KIAA1958: variants seen among roughly 807,000 people sequenced by gnomAD.
The protein encoded by KIAA1958 is KIAA1958.
KIAA1958 carries 14 observed loss-of-function variants against 47.2 expected under a neutral mutation model. That is an observed-to-expected ratio of 0.30 (90% CI 0.20 to 0.46). The LOEUF is 0.46. Ranked by LOEUF, KIAA1958 falls within the 20% of genes least tolerant of loss-of-function variation. The probability of loss-of-function intolerance (pLI) is 1.00; values close to 1 mark genes in which losing one functional copy is unlikely to be tolerated. For synonymous variants in KIAA1958, 354 were observed against 353.3 expected, an observed-to-expected ratio of 1.00 and a Z score of -0.02; for missense variants, 803 against 909.2, an observed-to-expected ratio of 0.88 and a Z score of 1.50.
intron 2 of KIAA1958, among the ~76,000 whole-genome samples, chr9:112,614,320 C>T (rs1219180066): frequency 1.3e-5 from 2 of 152,044 alleles, no homozygotes; most frequent in African/African-American, 4.8e-5. Context: ...TATTCTTTTT[C>T]TTAATCTGGG....
intron 2 of KIAA1958, among the ~76,000 whole-genome samples, chr9:112,604,293 C>T (rs916408091): frequency 6.6e-6 from 1 of 152,140 alleles, no homozygotes; most frequent in Non-Finnish European, 1.5e-5. Context: ...CTCAGGCTAT[C>T]CTGAGCCAGT....
chr9:112,576,902 T>C (rs994649557), intron 2 of KIAA1958, among the ~76,000 whole-genome samples: 3 of 152,166 alleles, frequency 2.0e-5, no homozygotes, highest in African/African-American at 7.2e-5. Context: ...TGTATTTAAC[T>C]TTTTGAGGAG....
chr9:112,601,389 G>A (rs992866436), intron 2 of KIAA1958, among the ~76,000 whole-genome samples: 2 of 152,156 alleles, frequency 1.3e-5, no homozygotes, highest in African/African-American at 4.8e-5. Context: ...CAGCAGTGTG[G>A]CAGGAGTTGG....
At chr9:112,611,325 GCTTGGATTATATA>G (rs2131209949) in intron 2 of KIAA1958, among the ~76,000 whole-genome samples, 1 of 152,176 alleles carries the variant, frequency 6.6e-6, no homozygotes, top group African/African-American at 2.4e-5. Flanking sequence ...TACTTGGAAT[GCTTGGATTATATA>G]CTTGCAGAAC....
chr9:112,540,386 A>T (rs1834921173), intron 1 of KIAA1958, among the ~76,000 whole-genome samples: 1 of 152,242 alleles, frequency 6.6e-6, no homozygotes, highest in African/African-American at 2.4e-5. Flanking sequence ...ATATGTATGC[A>T]CACATATAGA....
At chr9:112,507,223 ACT>A (rs1834248288) in intron 1 of KIAA1958, among the ~76,000 whole-genome samples, 1 of 152,070 alleles carries the variant, frequency 6.6e-6, no homozygotes, top group African/African-American at 2.4e-5. Flanking sequence ...GTGGCATATG[ACT>A]CTCAAATAGC....
intron 2 of KIAA1958, among the ~76,000 whole-genome samples, chr9:112,604,780 A>G (rs1490715909): frequency 6.6e-6 from 1 of 151,934 alleles, no homozygotes; most frequent in Non-Finnish European, 1.5e-5. Flanking sequence ...CCTTTGAAAT[A>G]TATGTGGTGG....
intron 2 of KIAA1958, among the ~76,000 whole-genome samples, chr9:112,581,418 T>A (rs1479576124): frequency 6.6e-5 from 10 of 152,186 alleles, no homozygotes; most frequent in Non-Finnish European, 1.5e-5. Flanking sequence ...CCCATTTGTC[T>A]ACTAAAATAT....
At chr9:112,639,984 T>C (rs1283779330) in intron 2 of KIAA1958, among the ~76,000 whole-genome samples, 4 of 152,256 alleles carry the variant, frequency 2.6e-5, no homozygotes, top group Non-Finnish European at 5.9e-5. Flanking sequence ...TTCTTTAACA[T>C]ATTCAAATTA....
intron 1 of KIAA1958, among the ~76,000 whole-genome samples, chr9:112,517,765 A>G (rs972283338): frequency 1.3e-5 from 2 of 152,248 alleles, no homozygotes; most frequent in Non-Finnish European, 1.5e-5. Flanking sequence ...CAAGATAAAA[A>G]AGATGGGCAA....
chr9:112,633,096 C>T (rs887016486), intron 2 of KIAA1958, among the ~76,000 whole-genome samples: 6 of 152,018 alleles, frequency 3.9e-5, no homozygotes, highest in Admixed American at 1.3e-4. Context: ...GGCATACTTG[C>T]AGACCTTTTC....
intron 1 of KIAA1958, among the ~76,000 whole-genome samples, chr9:112,503,936 T>C (rs1477636080): frequency 1.3e-5 from 2 of 151,202 alleles, no homozygotes; most frequent in Admixed American, 1.3e-4. Context: ...TATATATATA[T>C]ATATATATAT....
chr9:112,525,229 A>T (rs560791905), intron 1 of KIAA1958, among the ~76,000 whole-genome samples: 1 of 152,238 alleles, frequency 6.6e-6, no homozygotes, highest in Non-Finnish European at 1.5e-5. Flanking sequence ...GGTTGCATCA[A>T]TGAACGTTTA....
intron 2 of KIAA1958, among the ~76,000 whole-genome samples, chr9:112,629,513 C>G (rs1258318386): frequency 2.6e-5 from 4 of 152,128 alleles, no homozygotes; most frequent in Non-Finnish European, 4.4e-5. Flanking sequence ...GTGACTGATG[C>G]TTTTGGTCAG....
intron 2 of KIAA1958, among the ~76,000 whole-genome samples, chr9:112,576,901 CT>C (rs1835655596): frequency 6.6e-6 from 1 of 152,046 alleles, no homozygotes. Context: ...TTGTATTTAA[CT>C]TTTTGAGGAG....
chr9:112,550,133 A>G (rs1319134248), intron 1 of KIAA1958, among the ~76,000 whole-genome samples: 1 of 150,872 alleles, frequency 6.6e-6, no homozygotes, highest in Non-Finnish European at 1.5e-5. Context: ...GAGGCCTCAG[A>G]GCCGTGTTGA....
rs534660469 is a variant in KIAA1958 at position 112,510,656 on chromosome 9, C to T, written c.-25+23538C>T. On this transcript the variant is annotated intron_variant, in intron 1 of 3. Transcript: ENST00000337530. Reference sequence around the variant, plus strand: ...GAATTCTGCTGCTTATACCTCTCTTCTACTCAAATTCTCCATGTAGCTAAA... The same window carrying T: ...GAATTCTGCTGCTTATACCTCTCTTTTACTCAAATTCTCCATGTAGCTAAA... 2.5e-4 allele frequency among the ~76,000 whole-genome samples: 38 copies of T among 152,272 alleles called. No homozygotes were observed. The South Asian group carries it at 4.8e-3, about 19-fold the overall frequency.
At chr9:112,566,701 A>G (rs1835432232) in intron 1 of KIAA1958, among the ~76,000 whole-genome samples, 2 of 152,220 alleles carry the variant, frequency 1.3e-5, no homozygotes, top group South Asian at 4.1e-4. Flanking sequence ...ACAACACTTA[A>G]AAGTAGTATA....
intron 2 of KIAA1958, among the ~76,000 whole-genome samples, chr9:112,606,862 C>G (rs960512315): frequency 5.2e-4 from 79 of 152,230 alleles, no homozygotes; most frequent in Non-Finnish European, 1.0e-3. Flanking sequence ...GAAGTTACAG[C>G]AATCTCATTC....
Sources: gnomAD v4.1 joint callset for allele counts (sites outside exome capture counted in the v4.1 genomes callset) on GRCh38, gnomAD v4.1.1 for gene constraint, MANE v1.5 for transcripts, NCBI Gene and HGNC (gene_info 2026-07-23, HGNC 2026-07-21) for gene names.